The following ETNK2 variants were observed in gnomAD, a reference collection of about 807,000 sequenced individuals.
ETNK2 encodes ethanolamine kinase 2.
In ETNK2, 33 loss-of-function variants were observed where a neutral mutation model predicts 46.2. That is an observed-to-expected ratio of 0.71 (90% CI 0.54 to 0.96). ETNK2 has a LOEUF of 0.96. Ranked by LOEUF, ETNK2 falls within the 40% of genes least tolerant of loss-of-function variation. The pLI is 0.00. For synonymous variants in ETNK2, 194 were observed against 209.0 expected, an observed-to-expected ratio of 0.93 and a Z score of 0.62; for missense variants, 445 against 509.7, an observed-to-expected ratio of 0.87 and a Z score of 1.22.
At chr1:204,141,550 T>G (rs1657540936) in intron 3 of ETNK2, 93 bp from the exon 4 acceptor site, 3 of 1,379,116 alleles carry the variant, frequency 2.2e-6, no homozygotes, top group African/African-American at 2.9e-5. Flanking sequence ...CATCACTCCC[T>G]CTGTCTTACT....
At chr1:204,141,947 T>A (rs1161030775) in intron 3 of ETNK2, 1 of 158,928 alleles carries the variant, frequency 6.3e-6, no homozygotes, top group African/African-American at 2.4e-5. Context: ...CCCACAAAGA[T>A]CCTCCCCAGG....
intron 4 of ETNK2, chr1:204,141,102 A>G: frequency 1.5e-6 from 1 of 677,294 alleles, no homozygotes; most frequent in Non-Finnish European, 2.7e-6. Flanking sequence ...CTGGGATTAT[A>G]GGCATGAGCC....
At position 204,146,667 on chromosome 1, in the gene ETNK2, G is replaced by A. The variant is rs1657796250; in HGVS notation, c.616C>T (p.Leu206Phe). ...LWHKMHNYFTLVKNEINPSLS... is the reference protein window; with the variant it reads ...LWHKMHNYFTFVKNEINPSLS... Reference sequence around the variant, plus strand: ...CTGGGGTTGATCTCGTTCTTCACAAGCGTGAAATAATTGTGCATCTTGTGC... The same window carrying A: ...CTGGGGTTGATCTCGTTCTTCACAAACGTGAAATAATTGTGCATCTTGTGC... Residue 206 changes from leucine (L) to phenylalanine (F), a missense_variant, in exon 3 of 8, where the codon CTT becomes TTT. Coordinates refer to ENST00000367202, the MANE Select transcript of ETNK2 (RefSeq NM_018208.4). The A allele has an allele frequency of 2.5e-6, 4 of 1,613,954 alleles. No individual in the cohort carries two copies. Among genetic ancestry groups the A allele is most frequent in the Non-Finnish European group, 3.4e-6 (4 of 1,179,874 alleles).
intron 3 of ETNK2, among the ~76,000 whole-genome samples, chr1:204,143,911 G>A (rs2102295971): frequency 6.6e-6 from 1 of 152,196 alleles, no homozygotes; most frequent in East Asian, 1.9e-4. Flanking sequence ...GGCAGCTTAG[G>A]GCATGGATCC....
rs965949342 is a variant in ETNK2, at chr1:204,151,133, G to A, written c.258+462C>T. 9.2e-6 allele frequency: 2 copies of A among 217,856 alleles called. No individual in the cohort carries two copies. The highest frequency in any genetic ancestry group is 4.8e-5 in the African/African-American group (2 of 41,896). The allele number at this position is 217,856 out of a possible 1,614,324, so 13.5% of individuals were successfully genotyped here. On this transcript the variant is annotated intron_variant, in intron 1 of 7. Coordinates refer to ENST00000367202, the MANE Select transcript of ETNK2 (RefSeq NM_018208.4). The surrounding 1 kb of genome is among the most constrained non-coding windows in gnomAD (Gnocchi z 8.0). Reference sequence around the variant, plus strand: ...CAGGGTGGCTCCTGGGACCCACAGGGGCAGCTCAGAGCCTGGAGGATTTGC... The same window carrying A: ...CAGGGTGGCTCCTGGGACCCACAGGAGCAGCTCAGAGCCTGGAGGATTTGC...
At chr1:204,141,600 C>T (rs1657543678) in intron 3 of ETNK2, 143 bp from the exon 4 acceptor site, 1 of 836,120 alleles carries the variant, frequency 1.2e-6, no homozygotes, top group Non-Finnish European at 1.8e-6. Flanking sequence ...CTTAGACCCT[C>T]ACTTTTATCA....
chr1:204,135,078 C>A (rs539308541), intron 6 of ETNK2, among the ~76,000 whole-genome samples: 3 of 152,062 alleles, frequency 2.0e-5, no homozygotes, highest in African/African-American at 7.2e-5. Flanking sequence ...GCCCTGGCCA[C>A]GTGTCTGCTG....
chr1:204,146,182 C>T (rs1657772085), intron 3 of ETNK2, among the ~76,000 whole-genome samples: 2 of 152,146 alleles, frequency 1.3e-5, no homozygotes. Flanking sequence ...GAGTTGAGTT[C>T]TTCTGACTGA....
rs1657325426 is a variant in ETNK2 at position 204,137,244 on chromosome 1, T to G, written c.874A>C (p.Asn292His). The G allele has an allele frequency of 6.2e-7, 1 of 1,613,518 alleles. No homozygotes were observed. Among genetic ancestry groups the G allele is most frequent in the Admixed American group, 1.7e-5 (1 of 59,976 alleles). Residue 292 changes from asparagine (N) to histidine (H), a missense_variant, in exon 6 of 8, where the codon AAT becomes CAT. Coordinates refer to ENST00000367202, the MANE Select transcript of ETNK2 (RefSeq NM_018208.4). ...GNHFNEFAGV[N>H]EVDYCLYPAR... ...GGGTACAGGCAGTAATCCACCTCAT[T>G]CACGCCTGAGGGGGAGGCAGGCCAG...
Position 204,132,343 on chromosome 1 carries a change from T to C in ETNK2, c.1089-87A>G, listed in dbSNP as rs1657109003. 1.1e-5 allele frequency: 10 copies of C among 934,838 alleles called. No individual in the cohort carries two copies. In the South Asian group the frequency reaches 1.3e-4, roughly 12 times the overall value. The allele number at this position is 934,838 out of a possible 1,614,324, so 57.9% of individuals were successfully genotyped here. A position where few individuals can be genotyped will look rare whatever the true frequency, so the allele number is the denominator to read the frequency against. ...GTGCTGACATCATGAGAAAAGTTTT[T>C]CAGTGGCTCTAGGCCTATCTAAGTC... On this transcript the variant is annotated intron_variant, in intron 7 of 7. Transcript: ENST00000367202.
rs1657795019 is a variant in ETNK2, at chr1:204,146,647, G to A, written c.636C>T (p.Asn212=). 1 of 1,613,898 alleles carries A rather than the reference G, an allele frequency of 6.2e-7. No homozygotes were observed. Among genetic ancestry groups the A allele is most frequent in the Admixed American group, 1.7e-5 (1 of 60,008 alleles). The change falls in exon 3 of 8, where the codon AAC becomes AAT. Residue 212 remains asparagine (N), a synonymous_variant. Coordinates refer to ENST00000367202, the MANE Select transcript of ETNK2 (RefSeq NM_018208.4). ...NYFTLVKNEI[N]PSLSADVPKV... is the part of the protein sequence containing the mutation. ...ACCCTCCCAGATCTTTGTACCTGGGGTTGATCTCGTTCTTCACAAGCGTGA... is the reference window on the plus strand; with the variant it reads ...ACCCTCCCAGATCTTTGTACCTGGGATTGATCTCGTTCTTCACAAGCGTGA...
At chr1:204,132,518 C>T (rs1288767878) in intron 7 of ETNK2, among the ~76,000 whole-genome samples, 2 of 152,220 alleles carry the variant, frequency 1.3e-5, no homozygotes, top group Non-Finnish European at 2.9e-5. Context: ...ACTGCAACCT[C>T]TGCCTCCCGG....
In ETNK2 at chr1:204,151,188, A is replaced by C; in HGVS notation, c.258+407T>G. 1 of 267,496 alleles carries C rather than the reference A, an allele frequency of 3.7e-6. No homozygotes were observed. The highest frequency in any genetic ancestry group is 6.6e-6 in the Non-Finnish European group (1 of 150,428). The allele number at this position is 267,496 out of a possible 1,614,324, so 16.6% of individuals were successfully genotyped here. On this transcript the variant is annotated intron_variant, in intron 1 of 7. Coordinates refer to ENST00000367202, the MANE Select transcript of ETNK2 (RefSeq NM_018208.4). This position sits in a 1 kb window ranked among gnomAD's most constrained non-coding sequence, Gnocchi z 8.0. ...ACCATGGGGTGGAGAAGGGGCAGCAATGTATGCATGTATGGCTGGGTCGGG... is the reference window on the plus strand; with the variant it reads ...ACCATGGGGTGGAGAAGGGGCAGCACTGTATGCATGTATGGCTGGGTCGGG...
chr1:204,138,213 C>T (rs1404639539), intron 5 of ETNK2, among the ~76,000 whole-genome samples: 1 of 152,130 alleles, frequency 6.6e-6, no homozygotes, highest in African/African-American at 2.4e-5. Flanking sequence ...GGCTGGAACT[C>T]TCATCTCCCA....
In ETNK2 at chr1:204,151,238, C is replaced by G. The variant is rs1422474905; in HGVS notation, c.258+357G>C. ...GGGGGCGGGGGGTCTCTTAAAAGTT[C>G]CCGCCTCCTCAGGTTTCAGAGCTGG... On this transcript the variant is annotated intron_variant, in intron 1 of 7. Coordinates refer to ENST00000367202, the MANE Select transcript of ETNK2 (RefSeq NM_018208.4). This position sits in a 1 kb window ranked among gnomAD's most constrained non-coding sequence, Gnocchi z 8.0. 1.2e-5 allele frequency: 5 copies of G among 402,336 alleles called. No individual in the cohort carries two copies. In the East Asian group the frequency reaches 1.8e-4, roughly 15 times the overall value. 24.9% of individuals were successfully genotyped at this position (402,336 alleles called of 1,614,324 possible).
intron 5 of ETNK2, among the ~76,000 whole-genome samples, chr1:204,137,468 T>C (rs989390344): frequency 3.9e-5 from 6 of 151,966 alleles, no homozygotes; most frequent in Admixed American, 6.6e-5. Flanking sequence ...TTCTGTGGGA[T>C]TGAGGAAAGC....
chr1:204,151,278 C>T lies in ETNK2; in HGVS notation c.258+317G>A. On this transcript the variant is annotated intron_variant, in intron 1 of 7. Coordinates refer to ENST00000367202, the MANE Select transcript of ETNK2 (RefSeq NM_018208.4). This position sits in a 1 kb window ranked among gnomAD's most constrained non-coding sequence, Gnocchi z 8.0. Reference sequence around the variant, plus strand: ...TTCAGAGCTGGCTGGGTACGCGCTTCTGGTCAGCGAGGGGCACCAGCACGC... The same window carrying T: ...TTCAGAGCTGGCTGGGTACGCGCTTTTGGTCAGCGAGGGGCACCAGCACGC... 2.0e-6 allele frequency: 1 copy of T among 495,328 alleles called. No individual in the cohort carries two copies. The highest frequency in any genetic ancestry group is 4.1e-5 in the East Asian group (1 of 24,454). 30.7% of individuals were successfully genotyped at this position (495,328 alleles called of 1,614,324 possible). A position where few individuals can be genotyped will look rare whatever the true frequency, so the allele number is the denominator to read the frequency against.
At chr1:204,140,571 C>A (rs1482731279) in intron 4 of ETNK2, among the ~76,000 whole-genome samples, 1 of 151,612 alleles carries the variant, frequency 6.6e-6, no homozygotes, top group Admixed American at 6.6e-5. Flanking sequence ...GTCGCCCAGG[C>A]TGGAGTACAG....
chr1:204,138,387 A>AT (rs1377868305), intron 5 of ETNK2, among the ~76,000 whole-genome samples: 1 of 152,224 alleles, frequency 6.6e-6, no homozygotes, highest in East Asian at 1.9e-4. Context: ...TTCCAGTTGG[A>AT]TTTTGCTCTG....
Sources: allele counts gnomAD v4.1 joint callset (sites outside exome capture counted in the v4.1 genomes callset), GRCh38; gene constraint gnomAD v4.1.1; non-coding constraint Gnocchi (gnomAD v3.1); transcripts MANE v1.5; gene names NCBI Gene and HGNC (gene_info 2026-07-23, HGNC 2026-07-21).